The following ASB16 variants were observed in gnomAD, a reference collection of about 807,000 sequenced individuals.
ASB16 encodes ankyrin repeat and SOCS box containing 16.
Under a neutral mutation model 39.1 loss-of-function variants are expected in ASB16, and 44 were observed. The ratio of observed to expected loss-of-function variants is 1.13; its 90% CI spans 0.88 to 1.45. The LOEUF is 1.45. Ranked by LOEUF, ASB16 falls within the 40% of genes most tolerant of loss-of-function variation. The pLI is 0.00. For missense variants in ASB16, 698 were observed against 634.5 expected, an observed-to-expected ratio of 1.10 and a Z score of -1.07; for synonymous variants, 305 against 286.7, an observed-to-expected ratio of 1.06 and a Z score of -0.64.
In ASB16 at chr17:44,178,588, C is replaced by T; in HGVS notation, c.*198C>T. The T allele has an allele frequency of 1.6e-6, 1 of 614,080 alleles. No homozygotes were observed. Among genetic ancestry groups the T allele is most frequent in the Non-Finnish European group, 2.8e-6 (1 of 358,804 alleles). 38.0% of individuals were successfully genotyped at this position (614,080 alleles called of 1,614,324 possible). ...CCTAGGTTCAAGCGATTCTTGTGCC[C>T]CAAACTTCCGAGTAGCTGGGACTAC... is the stretch of plus-strand genomic sequence containing the variant. On this transcript the variant is annotated 3_prime_UTR_variant, in exon 5 of 5. Coordinates refer to ENST00000293414, the MANE Select transcript of ASB16 (RefSeq NM_080863.5).
chr17:44,177,570 G>A (rs774304877), intron 3 of ASB16, 39 bp from the exon 4 acceptor site: 6 of 1,602,152 alleles, frequency 3.7e-6, no homozygotes, highest in Non-Finnish European at 5.1e-6. Context: ...GCCCTCGGGT[G>A]GGGGAGGCAT....
rs770919452 is a variant in ASB16, at chr17:44,178,215, C to T, written c.1187C>T (p.Ala396Val). The T allele has an allele frequency of 6.2e-7, 1 of 1,613,214 alleles. No individual in the cohort carries two copies. Among genetic ancestry groups the T allele is most frequent in the Non-Finnish European group, 8.5e-7 (1 of 1,179,982 alleles). ...TCACTCCTGGCCTAGGAGCACGAAG[C>T]CTTCTACAGCTCGGCCCTGTGCATG... ...VLPELWKEHE[A>V]FYSSALCMVN... The change falls in exon 5 of 5, where the codon GCC becomes GTC. Residue 396 changes from alanine (A) to valine (V), a missense_variant. Ala to Val is a moderately conservative substitution (Grantham distance 64, BLOSUM62 0). Transcript: ENST00000293414.
intron 1 of ASB16, 68 bp downstream of exon 1, chr17:44,171,158 G>C: frequency 1.9e-4 from 270 of 1,438,338 alleles, no homozygotes; most frequent in Non-Finnish European, 2.4e-4. Context: ...AAGGGGGAGA[G>C]TCTAGGCCCC....
chr17:44,178,143 C>T (rs1023871598), intron 4 of ASB16, 62 bp from the exon 5 acceptor site: 20 of 1,578,304 alleles, frequency 1.3e-5, no homozygotes, highest in Admixed American at 3.4e-5. Flanking sequence ...GGACCCCCAC[C>T]GCTGGGTTGC....
chr17:44,171,822 G>T (rs2054245075), intron 1 of ASB16, among the ~76,000 whole-genome samples: 1 of 152,032 alleles, frequency 6.6e-6, no homozygotes, highest in South Asian at 2.1e-4. Flanking sequence ...CACATACTAT[G>T]TTTTGTTACA....
chr17:44,176,443 G>C (rs982420997), intron 2 of ASB16: 2 of 510,014 alleles, frequency 3.9e-6, no homozygotes, highest in Admixed American at 6.6e-5. Flanking sequence ...ACTGTGGGAG[G>C]GACTGTCTGA....
chr17:44,178,608 G>T lies in ASB16; in HGVS notation c.*218G>T. On this transcript the variant is annotated 3_prime_UTR_variant, in exon 5 of 5. Coordinates refer to ENST00000293414, the MANE Select transcript of ASB16 (RefSeq NM_080863.5). ...GTGCCCCAAACTTCCGAGTAGCTGG[G>T]ACTACAGGCATGAGTCACCACACCT... 1 of 579,428 alleles carries T rather than the reference G, an allele frequency of 1.7e-6. No individual in the cohort carries two copies. The highest frequency in any genetic ancestry group is 3.0e-6 in the Non-Finnish European group (1 of 329,748). 35.9% of individuals were successfully genotyped at this position (579,428 alleles called of 1,614,324 possible). A position where few individuals can be genotyped will look rare whatever the true frequency, so the allele number is the denominator to read the frequency against.
At chr17:44,172,453 C>A in intron 2 of ASB16, 140 bp downstream of exon 2, 1 of 959,630 alleles carries the variant, frequency 1.0e-6, no homozygotes. Context: ...TTCACAATAA[C>A]CTGGAGACAC....
Position 44,177,088 on chromosome 17 carries a change from G to T in ASB16, c.920G>T (p.Gly307Val), listed in dbSNP as rs1598124731. ...CTGGCCGAGCTGCTGCTGCGTTACG[G>T]GGCCCGCGCTGAGGTCCCCAATGGG... ...GGLAELLLRY[G>V]ARAEVPNGAG... The change falls in exon 3 of 5, where the codon GGG becomes GTG. Residue 307 changes from glycine to valine, a missense_variant. By Grantham distance (109) the Gly-to-Val change is moderately radical (BLOSUM62 -3). Transcript: ENST00000293414. 5 of 1,476,200 alleles carry T rather than the reference G, an allele frequency of 3.4e-6. No individual in the cohort carries two copies. The South Asian group carries it at 6.6e-5, about 19-fold the overall frequency. 91.4% of individuals were successfully genotyped at this position (1,476,200 alleles called of 1,614,324 possible).
chr17:44,178,342 G>T lies in ASB16; in HGVS notation c.1314G>T (p.Pro438=). The T allele has an allele frequency of 1.9e-6, 3 of 1,611,000 alleles. No individual in the cohort carries two copies. In the South Asian group the frequency reaches 3.3e-5, roughly 18 times the overall value. ...GTGCCACCCGGCTGCCACTGCCCCC[G>T]CTCCTCAGGGACTACCTGCTGCTGC... ...RQGATRLPLP[P]LLRDYLLLRV... The change falls in exon 5 of 5, where the codon CCG becomes CCT. Residue 438 remains proline (P), a synonymous_variant. Coordinates refer to ENST00000293414, the MANE Select transcript of ASB16 (RefSeq NM_080863.5).
At chr17:44,171,420 C>G (rs888693497) in intron 1 of ASB16, among the ~76,000 whole-genome samples, 3 of 151,938 alleles carry the variant, frequency 2.0e-5, no homozygotes, top group Non-Finnish European at 4.4e-5. Context: ...AAAAATTAGC[C>G]GGGCATGGTG....
At chr17:44,177,873 C>A (rs765738633) in intron 4 of ASB16, 151 bp downstream of exon 4, 1 of 1,119,838 alleles carries the variant, frequency 8.9e-7, no homozygotes, top group Non-Finnish European at 1.3e-6. Flanking sequence ...CCCCCTCCCC[C>A]GGTACCCCAG....
rs146107168 is a variant in ASB16, at chr17:44,172,274, C to G, written c.530C>G (p.Thr177Arg). The G allele has an allele frequency of 6.2e-6, 10 of 1,613,596 alleles. No individual in the cohort carries two copies. The Admixed American group carries it at 1.7e-4, about 27-fold the overall frequency. Residue 177 changes from threonine (T) to arginine (R), a missense_variant, in exon 2 of 5, where the codon ACG becomes AGG. By Grantham distance (71) the Thr-to-Arg change is moderately conservative. Transcript: ENST00000293414. ...AKANVLTEEGTTPLHLCTIPE... is the reference protein window; with the variant it reads ...AKANVLTEEGRTPLHLCTIPE... ...GCTAATGTGCTGACTGAGGAGGGCA[C>G]GACTCCTTTGCACCTCTGCACGATC...
At chr17:44,172,727 A>ATGATTCTCC (rs71160090) in intron 2 of ASB16, among the ~76,000 whole-genome samples, 74,847 of 150,638 alleles carry the variant, frequency 0.5, 23,274 homozygotes, top group African/African-American at 0.87. Flanking sequence ...CTGGGTTCAA[A>ATGATTCTCC]TGCCTCAGCC....
intron 4 of ASB16, 84 bp from the exon 5 acceptor site, chr17:44,178,121 T>TG: frequency 6.8e-7 from 1 of 1,467,130 alleles, no homozygotes. Flanking sequence ...GGGTGCATGC[T>TG]GCAAAATCCC....
rs567496977 is a variant in ASB16, at chr17:44,170,948, C to A, written c.159C>A (p.His53Gln). 7.4e-6 allele frequency: 12 copies of A among 1,613,736 alleles called. No homozygotes were observed. The South Asian group carries it at 1.3e-4, about 18-fold the overall frequency. The change falls in exon 1 of 5, where the codon CAC becomes CAA. Residue 53 changes from histidine (H) to glutamine (Q), a missense_variant. Transcript: ENST00000293414. ...CCCGGGCCCGACTCACTAGGCCTCA[C>A]CGTTCCTGCCGAGACCCAGCTGTCC... ...SSPRARLTRP[H>Q]RSCRDPAVHQ...
chr17:44,176,562 T>C, intron 2 of ASB16, 176 bp from the exon 3 acceptor site: 1 of 902,012 alleles, frequency 1.1e-6, no homozygotes, highest in East Asian at 2.4e-5. Flanking sequence ...ATGCTTCTGG[T>C]AGCTCTCAGG....
intron 3 of ASB16, 175 bp from the exon 4 acceptor site, chr17:44,177,434 G>A: frequency 8.8e-7 from 1 of 1,138,986 alleles, no homozygotes; most frequent in African/African-American, 1.6e-5. Flanking sequence ...GAAAACTGGG[G>A]CCAAAAGGTT....
chr17:44,177,149 C>A lies in ASB16; in HGVS notation c.981C>A (p.Ala327=). ...CGCCCATGGACTGTGCGCTGCAGGCCGTCCAGGACTCCCCCAACTGGGAGC... is the reference window on the plus strand; with the variant it reads ...CGCCCATGGACTGTGCGCTGCAGGCAGTCCAGGACTCCCCCAACTGGGAGC... ...GHTPMDCALQ[A]VQDSPNWEPE... Residue 327 remains alanine, a synonymous_variant, in exon 3 of 5, where the codon GCC becomes GCA. Coordinates refer to ENST00000293414, the MANE Select transcript of ASB16 (RefSeq NM_080863.5). 13 of 1,518,632 alleles carry A rather than the reference C, an allele frequency of 8.6e-6. No individual in the cohort carries two copies. The highest frequency in any genetic ancestry group is 1.1e-5 in the Non-Finnish European group (13 of 1,135,950). The allele number at this position is 1,518,632 out of a possible 1,614,324, so 94.1% of individuals were successfully genotyped here.
Sources: gnomAD v4.1 joint callset for allele counts (sites outside exome capture counted in the v4.1 genomes callset) on GRCh38, gnomAD v4.1.1 for gene constraint, MANE v1.5 for transcripts, NCBI Gene and HGNC (gene_info 2026-07-23, HGNC 2026-07-21) for gene names.